The following RNF130 variants were observed in gnomAD, a reference collection of about 807,000 sequenced individuals.
RNF130 encodes the protein ring finger protein 130.
RNF130 carries 21 observed loss-of-function variants against 44.6 expected under a neutral mutation model. That is an observed-to-expected ratio of 0.47 (90% CI 0.33 to 0.68). RNF130 has a LOEUF of 0.68. Among genes scored for constraint, RNF130 ranks in the 30% least tolerant of loss-of-function variants. RNF130 has a pLI of 0.02. For missense variants in RNF130, 479 were observed against 560.6 expected (o/e 0.85, Z 1.47); for synonymous variants, 214 against 210.4 (o/e 1.02, Z -0.15).
chr5:179,958,068 G>A (rs796805972), intron 8 of RNF130, among the ~76,000 whole-genome samples: 23 of 151,994 alleles, frequency 1.5e-4, no homozygotes, highest in African/African-American at 2.7e-4. Flanking sequence ...TAGTAGAGAC[G>A]GGGTTTCACT....
intron 1 of RNF130, among the ~76,000 whole-genome samples, chr5:180,062,611 T>C (rs946275846): frequency 1.3e-5 from 2 of 152,218 alleles, no homozygotes; most frequent in African/African-American, 4.8e-5. Context: ...AATAGGGATA[T>C]GAAGCCTAAA....
chr5:180,064,631 GT>G (rs1413596758), intron 1 of RNF130, among the ~76,000 whole-genome samples: 1 of 152,100 alleles, frequency 6.6e-6, no homozygotes, highest in Non-Finnish European at 1.5e-5. Flanking sequence ...ATTTTCCTCT[GT>G]TTTTAAACCT....
chr5:180,039,497 T>A (rs1285001522), intron 2 of RNF130, among the ~76,000 whole-genome samples: 1 of 152,130 alleles, frequency 6.6e-6, no homozygotes, highest in Non-Finnish European at 1.5e-5. Flanking sequence ...CTTGGCCTCC[T>A]AAAGTATATC....
intron 7 of RNF130, among the ~76,000 whole-genome samples, chr5:179,935,244 T>C (rs1761871729): frequency 6.6e-6 from 1 of 152,196 alleles, no homozygotes. Flanking sequence ...TAAATATTAG[T>C]TGAAATTTGC....
At chr5:179,997,284 G>A (rs1414093473) in intron 3 of RNF130, among the ~76,000 whole-genome samples, 1 of 151,770 alleles carries the variant, frequency 6.6e-6, no homozygotes, top group East Asian at 1.9e-4. Context: ...TGGGATTACA[G>A]GTGCACACCA....
At chr5:180,068,096 G>A (rs868161157) in intron 1 of RNF130, among the ~76,000 whole-genome samples, 2 of 152,152 alleles carry the variant, frequency 1.3e-5, no homozygotes, top group South Asian at 2.1e-4. Flanking sequence ...AGAAGTGGCC[G>A]ATACTAAACT....
intron 2 of RNF130, among the ~76,000 whole-genome samples, chr5:180,022,140 G>A (rs1763889217): frequency 6.6e-6 from 1 of 152,056 alleles, no homozygotes; most frequent in Non-Finnish European, 1.5e-5. Flanking sequence ...TTTTTTATTT[G>A]CCATTACTAG....
chr5:179,937,844 A>G (rs2113680641), intron 7 of RNF130, among the ~76,000 whole-genome samples: 1 of 152,022 alleles, frequency 6.6e-6, no homozygotes, highest in Non-Finnish European at 1.5e-5. Flanking sequence ...GTGTAGACAT[A>G]CAATGCACTG....
chr5:180,061,649 CTG>C (rs1359766697), intron 1 of RNF130, among the ~76,000 whole-genome samples: 3 of 152,200 alleles, frequency 2.0e-5, no homozygotes, highest in Non-Finnish European at 2.9e-5. Flanking sequence ...GCCGCCTTCT[CTG>C]TGTGTCTTCC....
chr5:179,964,817 T>C (rs940946802), intron 7 of RNF130, among the ~76,000 whole-genome samples: 1 of 152,336 alleles, frequency 6.6e-6, no homozygotes, highest in South Asian at 2.1e-4. Context: ...CCCTATCTTT[T>C]AGACACCAGT....
At chr5:180,064,084 C>A (rs990409804) in intron 1 of RNF130, among the ~76,000 whole-genome samples, 1 of 152,050 alleles carries the variant, frequency 6.6e-6, no homozygotes, top group Non-Finnish European at 1.5e-5. Context: ...AGCTAGGCAA[C>A]GTAGGACCTA....
chr5:180,021,475 C>T (rs1763872205), intron 2 of RNF130, among the ~76,000 whole-genome samples: 1 of 152,064 alleles, frequency 6.6e-6, no homozygotes, highest in Non-Finnish European at 1.5e-5. Context: ...AAGAAACATT[C>T]CCACTTTAAG....
At chr5:180,007,133 G>A (rs537418753) in intron 3 of RNF130, among the ~76,000 whole-genome samples, 3 of 152,328 alleles carry the variant, frequency 2.0e-5, no homozygotes, top group Non-Finnish European at 4.4e-5. Context: ...AGGTGTGGAG[G>A]TTCATGCCTG....
At chr5:179,987,911 T>C (rs77406192) in intron 3 of RNF130, among the ~76,000 whole-genome samples, 4,452 of 152,356 alleles carry the variant, frequency 0.029, 212 homozygotes, top group African/African-American at 0.1. Context: ...TTCAAGGACA[T>C]TGGCCTGCCA....
At chr5:180,034,105 T>TA (rs397710416) in intron 2 of RNF130, among the ~76,000 whole-genome samples, 3 of 151,764 alleles carry the variant, frequency 2.0e-5, no homozygotes, top group South Asian at 2.1e-4. Flanking sequence ...TTTTTTTTTT[T>TA]AAATCATGAT....
chr5:179,997,527 A>C (rs1763233061), intron 3 of RNF130, among the ~76,000 whole-genome samples: 1 of 151,982 alleles, frequency 6.6e-6, no homozygotes, highest in Non-Finnish European at 1.5e-5. Flanking sequence ...ACGGGGTTTC[A>C]CCGTGTTAGC....
At chr5:180,029,955 C>T (rs551144318) in intron 2 of RNF130, among the ~76,000 whole-genome samples, 23 of 151,390 alleles carry the variant, frequency 1.5e-4, no homozygotes, top group African/African-American at 5.3e-4. Flanking sequence ...TTCAAGGATT[C>T]TCCTGTCTCA....
At position 180,058,446 on chromosome 5, in the gene RNF130, A is replaced by G. The variant is rs569386215; in HGVS notation, c.247+13010T>C. On this transcript the variant is annotated intron_variant, in intron 1 of 8. Coordinates refer to ENST00000521389, the MANE Select transcript of RNF130 (RefSeq NM_018434.6). Reference sequence around the variant, plus strand: ...ATATGCTAAGTGAAATAATCCAGTTACAAATTATGAGGAACTAACCTAGTC... The same window carrying G: ...ATATGCTAAGTGAAATAATCCAGTTGCAAATTATGAGGAACTAACCTAGTC... Among the ~76,000 whole-genome samples the G allele has an allele frequency of 3.3e-5, 5 of 152,378 alleles. No homozygotes were observed. The South Asian group carries it at 1.0e-3, about 32-fold the overall frequency.
At position 179,930,866 on chromosome 5, in the gene RNF130, C is replaced by T. The variant is rs185650069; in HGVS notation, c.1151-10440G>A. On this transcript the variant is annotated intron_variant, in intron 7 of 7. Transcript: ENST00000522208. ...CCAGCCCAGTAAACATAACAAAACC[C>T]GGTCTCTACTAAAATTACAAAAAAA... Among the ~76,000 whole-genome samples the T allele has an allele frequency of 9.5e-4, 143 of 151,322 alleles. 1 individual carries two copies. The highest frequency in any genetic ancestry group is 3.4e-3 in the African/African-American group (140 of 41,200).
Sources: allele counts gnomAD v4.1 joint callset (sites outside exome capture counted in the v4.1 genomes callset), GRCh38; gene constraint gnomAD v4.1.1; transcripts MANE v1.5; gene names NCBI Gene and HGNC (gene_info 2026-07-23, HGNC 2026-07-21).